Variants in FAT1 observed in about 807,000 individuals in gnomAD.
FAT1 encodes the protein protocadherin Fat 1.
Under a neutral mutation model 329.8 loss-of-function variants are expected in FAT1, and 171 were observed. That is an observed-to-expected ratio of 0.52 (90% confidence interval 0.46 to 0.59). The LOEUF is 0.59. Among genes scored for constraint, FAT1 ranks in the 20% least tolerant of loss-of-function variants. The pLI, the probability that FAT1 is intolerant of heterozygous loss-of-function variation, is 0.00. For synonymous variants in FAT1, 2,233 were observed against 2,228.6 expected, an observed-to-expected ratio of 1.00 and a Z score of -0.06; for missense variants, 5,672 against 5,774.4, an observed-to-expected ratio of 0.98 and a Z score of 0.57.
chr4:186,723,533 G>A (rs1745557290), intron 1 of FAT1, 131 bp downstream of exon 1: 1 of 152,278 alleles, frequency 6.6e-6, no homozygotes, highest in Admixed American at 6.5e-5. Flanking sequence ...CCTCCGGGAA[G>A]TCGCGCGCTC....
intron 3 of FAT1, among the ~76,000 whole-genome samples, chr4:186,652,189 C>A (rs756019737): frequency 1.3e-5 from 2 of 152,108 alleles, no homozygotes; most frequent in South Asian, 4.1e-4. Flanking sequence ...AACATAAGAT[C>A]GACAGCAAAA....
At chr4:186,591,759 CA>C (rs2126367692) in intron 26 of FAT1, among the ~76,000 whole-genome samples, 1 of 152,282 alleles carries the variant, frequency 6.6e-6, no homozygotes, top group Non-Finnish European at 1.5e-5. Flanking sequence ...TAACTATAAC[CA>C]TGAACACTGG....
chr4:186,648,056 A>T (rs150017151), intron 3 of FAT1, among the ~76,000 whole-genome samples: 1 of 152,296 alleles, frequency 6.6e-6, no homozygotes, highest in African/African-American at 2.4e-5. Context: ...CTGATGAGAC[A>T]TGCATATGTG....
At chr4:186,630,554 T>C (rs1006253866) in intron 7 of FAT1, among the ~76,000 whole-genome samples, 6 of 151,934 alleles carry the variant, frequency 3.9e-5, no homozygotes, top group Non-Finnish European at 5.9e-5. Flanking sequence ...GGAAGGTGAA[T>C]TGAGTGTTGG....
intron 26 of FAT1, among the ~76,000 whole-genome samples, chr4:186,591,338 T>A (rs1738230418): frequency 6.6e-6 from 1 of 152,244 alleles, no homozygotes; most frequent in South Asian, 2.1e-4. Flanking sequence ...TGATTGATAG[T>A]TCACTTCTAG....
At position 186,617,978 on chromosome 4, in the gene FAT1, T is replaced by C. The variant is rs2126489858; in HGVS notation, c.8608A>G (p.Thr2870Ala). The change falls in exon 10 of 27, where the codon ACA becomes GCA. Residue 2870 changes from threonine (T) to alanine (A), a missense_variant. Thr to Ala is a moderately conservative substitution (Grantham distance 58, BLOSUM62 0). Around this residue, in one of 2 missense-constraint regions of FAT1, gnomAD observed 3,966 missense variants for 3,915.2 expected, o/e 1.01. Transcript: ENST00000441802. ...FAINMETGWITTLKELDHEKR... is the reference protein window; with the variant it reads ...FAINMETGWIATLKELDHEKR... ...TCATGGTCAAGTTCCTTTAAAGTTG[T>C]AATCCAGCCTGTTTCCATGTTAATG... 1 of 1,614,092 alleles carries C rather than the reference T, an allele frequency of 6.2e-7. No homozygotes were observed.
chr4:186,686,310 T>C (rs1214482172), intron 2 of FAT1, among the ~76,000 whole-genome samples: 9 of 151,220 alleles, frequency 6.0e-5, no homozygotes, highest in African/African-American at 2.2e-4. Flanking sequence ...TTCATCATTT[T>C]ATTGGTAAAT....
chr4:186,700,818 C>T (rs576882387), intron 2 of FAT1, among the ~76,000 whole-genome samples: 10 of 152,276 alleles, frequency 6.6e-5, no homozygotes, highest in South Asian at 2.1e-4. Context: ...CACAGAATGC[C>T]GGGCCCAGTG....
At chr4:186,703,023 C>G (rs372601738) in intron 2 of FAT1, among the ~76,000 whole-genome samples, 1 of 152,076 alleles carries the variant, frequency 6.6e-6, no homozygotes. Flanking sequence ...CTAACGAGAC[C>G]GACTTTCCAA....
At chr4:186,622,404 T>C (rs1740089148) in intron 9 of FAT1, among the ~76,000 whole-genome samples, 1 of 152,200 alleles carries the variant, frequency 6.6e-6, no homozygotes, top group Non-Finnish European at 1.5e-5. Flanking sequence ...CATCTGGTAA[T>C]GCCTGCAGAC....
At chr4:186,712,938 G>A (rs1219573447) in intron 1 of FAT1, among the ~76,000 whole-genome samples, 4 of 103,672 alleles carry the variant, frequency 3.9e-5, no homozygotes, top group Non-Finnish European at 5.8e-5. Context: ...GAGGGACAGC[G>A]GTAAGGCCGG....
In FAT1 at chr4:186,603,979, T is replaced by G. The variant is rs1312339316; in HGVS notation, c.10549-2A>C. ...CTGAGGCTTTCCATTATCTGCCACC[T>G]ACAAGAAAAGAAAAATAAAATCACC... On this transcript the variant is annotated splice_acceptor_variant, in intron 18 of 26. Transcript: ENST00000441802. LOFTEE classifies it high-confidence loss of function. 1 of 1,601,902 alleles carries G rather than the reference T, an allele frequency of 6.2e-7. No individual in the cohort carries two copies. Among genetic ancestry groups the G allele is most frequent in the Non-Finnish European group, 8.5e-7 (1 of 1,170,726 alleles).
chr4:186,713,934 A>G (rs1745088690), intron 1 of FAT1, among the ~76,000 whole-genome samples: 2 of 152,178 alleles, frequency 1.3e-5, no homozygotes, highest in Admixed American at 6.5e-5. Flanking sequence ...CGATCTGCCC[A>G]ACTCGGCCTC....
At chr4:186,666,638 T>G (rs1470010308) in intron 2 of FAT1, among the ~76,000 whole-genome samples, 1 of 152,276 alleles carries the variant, frequency 6.6e-6, no homozygotes, top group Non-Finnish European at 1.5e-5. Flanking sequence ...TGCTTCCATC[T>G]ACTGTTTTAA....
At chr4:186,635,172 G>C (rs1406196426) in intron 6 of FAT1, among the ~76,000 whole-genome samples, 1 of 152,184 alleles carries the variant, frequency 6.6e-6, no homozygotes. Flanking sequence ...TCCATCAGCT[G>C]CAACTTTTGG....
chr4:186,667,685 G>A (rs1359762789), intron 2 of FAT1, among the ~76,000 whole-genome samples: 7 of 152,130 alleles, frequency 4.6e-5, no homozygotes, highest in African/African-American at 9.7e-5. Flanking sequence ...CACCAATCAC[G>A]TCACTAGATG....
chr4:186,645,744 G>A (rs1326826797), intron 3 of FAT1, among the ~76,000 whole-genome samples: 1 of 151,524 alleles, frequency 6.6e-6, no homozygotes, highest in Non-Finnish European at 1.5e-5. Context: ...CTAGGAGTTC[G>A]AGACCAGCTT....
At chr4:186,718,314 C>G (rs1446988324) in intron 1 of FAT1, among the ~76,000 whole-genome samples, 1 of 152,142 alleles carries the variant, frequency 6.6e-6, no homozygotes, top group African/African-American at 2.4e-5. Context: ...TTCTACAGCT[C>G]CTCCCACTCC....
rs1374224550 is a variant in FAT1, at chr4:186,708,899, G to A, written c.929C>T (p.Pro310Leu). 2 of 1,613,948 alleles carry A rather than the reference G, an allele frequency of 1.2e-6. No individual in the cohort carries two copies. The highest frequency in any genetic ancestry group is 1.7e-6 in the Non-Finnish European group (2 of 1,179,878). ...TTTGACTTTATACTCCTTACTCCCTGGAAAGGACCTCACTGTTCTAAACTG... is the reference window on the plus strand; with the variant it reads ...TTTGACTTTATACTCCTTACTCCCTAGAAAGGACCTCACTGTTCTAAACTG... ...LQQFRTVRSF[P>L]GSKEYKVKAI... The change falls in exon 2 of 27, where the codon CCA (proline) becomes CTA (leucine). Residue 310 changes from proline to leucine, a missense_variant. Transcript: ENST00000441802.
Sources: allele counts gnomAD v4.1 joint callset (sites outside exome capture counted in the v4.1 genomes callset), GRCh38; gene constraint gnomAD v4.1.1; regional missense constraint gnomAD v4.1.1; transcripts MANE v1.5; gene names NCBI Gene and HGNC (gene_info 2026-07-23, HGNC 2026-07-21).